The following KCNIP4 variants were observed in gnomAD, a reference collection of about 807,000 sequenced individuals.
KCNIP4 encodes Kv channel-interacting protein 4.
KCNIP4 carries 12 observed loss-of-function variants against 34.0 expected under a neutral mutation model. That is an observed-to-expected ratio of 0.35 (90% CI 0.23 to 0.57). The LOEUF (loss-of-function observed/expected upper bound fraction) is 0.57. KCNIP4 is among the 20% of genes least tolerant of loss of function. The pLI, the probability that KCNIP4 is intolerant of heterozygous loss-of-function variation, is 0.83. For missense variants in KCNIP4, 238 were observed against 311.7 expected, an observed-to-expected ratio of 0.76 and a Z score of 1.78; for synonymous variants, 124 against 102.2, an observed-to-expected ratio of 1.21 and a Z score of -1.29.
intron 1 of KCNIP4, among the ~76,000 whole-genome samples, chr4:21,344,247 T>C (rs1717062372): frequency 6.6e-6 from 1 of 152,120 alleles, no homozygotes; most frequent in South Asian, 2.1e-4. Flanking sequence ...ATCCATCTAA[T>C]GTGGACTGTG....
intron 1 of KCNIP4, among the ~76,000 whole-genome samples, chr4:21,737,163 G>C (rs913388601): frequency 3.3e-5 from 5 of 152,216 alleles, no homozygotes; most frequent in African/African-American, 1.2e-4. Flanking sequence ...TCTCACCCTC[G>C]GGTGTAGTCA....
intron 1 of KCNIP4, among the ~76,000 whole-genome samples, chr4:20,933,827 G>A (rs546121537): frequency 6.6e-6 from 1 of 152,140 alleles, no homozygotes; most frequent in African/African-American, 2.4e-5. Flanking sequence ...ACCCGTTCTG[G>A]TTTATTCAGG....
chr4:21,901,102 A>C (rs1007250422), intron 1 of KCNIP4, among the ~76,000 whole-genome samples: 2 of 152,238 alleles, frequency 1.3e-5, no homozygotes, highest in African/African-American at 4.8e-5. Context: ...TTTCACCAGA[A>C]GTTGTAAAAG....
intron 1 of KCNIP4, among the ~76,000 whole-genome samples, chr4:21,861,850 G>C (rs1725096726): frequency 6.6e-6 from 1 of 152,012 alleles, no homozygotes; most frequent in Non-Finnish European, 1.5e-5. Flanking sequence ...TCACTTTTCT[G>C]CTCAAGAAGT....
chr4:21,069,539 A>G (rs925712190), intron 1 of KCNIP4, among the ~76,000 whole-genome samples: 28 of 152,230 alleles, frequency 1.8e-4, no homozygotes, highest in African/African-American at 6.7e-4. Context: ...ACTTGCCCGG[A>G]GAAGAGGCCT....
chr4:21,777,989 T>C (rs1719292965), intron 1 of KCNIP4, among the ~76,000 whole-genome samples: 1 of 152,042 alleles, frequency 6.6e-6, no homozygotes, highest in South Asian at 2.1e-4. Flanking sequence ...GGAAAATAAA[T>C]AATAATTTGA....
chr4:21,944,405 A>G (rs1209820872), intron 1 of KCNIP4, among the ~76,000 whole-genome samples: 1 of 151,760 alleles, frequency 6.6e-6, no homozygotes, highest in Admixed American at 6.6e-5. Flanking sequence ...GAAAAAAAAA[A>G]TTAGTCGGGC....
At chr4:21,045,378 T>G (rs760814590) in intron 1 of KCNIP4, among the ~76,000 whole-genome samples, 3 of 152,248 alleles carry the variant, frequency 2.0e-5, no homozygotes, top group East Asian at 3.8e-4. Flanking sequence ...TGCTGGTGCA[T>G]GGACCACACT....
At chr4:20,781,831 TC>T (rs979175482) in intron 3 of KCNIP4, among the ~76,000 whole-genome samples, 24 of 152,076 alleles carry the variant, frequency 1.6e-4, no homozygotes, top group Admixed American at 1.4e-3. Flanking sequence ...TTCCTAACAG[TC>T]CCCCAAAGTT....
chr4:21,283,072 A>G (rs1407671632), intron 1 of KCNIP4, among the ~76,000 whole-genome samples: 1 of 152,200 alleles, frequency 6.6e-6, no homozygotes, highest in Non-Finnish European at 1.5e-5. Context: ...GAAACAACAA[A>G]AACTAGACAC....
At chr4:21,531,155 T>G (rs1363006267) in intron 1 of KCNIP4, among the ~76,000 whole-genome samples, 14 of 152,192 alleles carry the variant, frequency 9.2e-5, no homozygotes, top group Non-Finnish European at 1.5e-5. Context: ...ACCTGCTCTT[T>G]CAGCTTGCAA....
intron 1 of KCNIP4, among the ~76,000 whole-genome samples, chr4:21,887,234 A>G (rs1726825627): frequency 6.6e-6 from 1 of 152,104 alleles, no homozygotes; most frequent in South Asian, 2.1e-4. Context: ...TGTATTTGTC[A>G]TAGTTCTGCA....
chr4:21,540,258 A>G (rs1261531556), intron 1 of KCNIP4, among the ~76,000 whole-genome samples: 3 of 152,200 alleles, frequency 2.0e-5, no homozygotes, highest in Non-Finnish European at 4.4e-5. Context: ...TTTACAAAAC[A>G]GTCATATTGC....
intron 1 of KCNIP4, among the ~76,000 whole-genome samples, chr4:21,821,650 A>C (rs1022111602): frequency 6.6e-6 from 1 of 152,144 alleles, no homozygotes; most frequent in Non-Finnish European, 1.5e-5. Flanking sequence ...CAGTTAGATA[A>C]ATGCAAGTAA....
chr4:21,504,386 T>G (rs147960143), intron 1 of KCNIP4, among the ~76,000 whole-genome samples: 67 of 149,674 alleles, frequency 4.5e-4, no homozygotes, highest in Middle Eastern at 3.5e-3. Flanking sequence ...GAGGATCGTT[T>G]GAACCTGGGA....
At chr4:21,659,616 G>A (rs890978661) in intron 1 of KCNIP4, among the ~76,000 whole-genome samples, 4 of 151,986 alleles carry the variant, frequency 2.6e-5, no homozygotes, top group African/African-American at 9.7e-5. Flanking sequence ...TACATTTTAG[G>A]TAATTTTGAA....
intron 1 of KCNIP4, among the ~76,000 whole-genome samples, chr4:21,219,611 A>T (rs62295321): frequency 0.27 from 40,564 of 151,826 alleles, 5,645 homozygotes; most frequent in South Asian, 0.48. Flanking sequence ...TTCATTTGCA[A>T]CTGGTTGAGA....
In KCNIP4 at chr4:20,955,825, C is replaced by G. The variant is rs529443683; in HGVS notation, c.62-73116G>C. Among the ~76,000 whole-genome samples, 441 of 152,260 alleles carry G rather than the reference C, an allele frequency of 2.9e-3. 1 individual carries two copies. Among genetic ancestry groups the G allele is most frequent in the African/African-American group, 9.9e-3 (413 of 41,548 alleles). On this transcript the variant is annotated intron_variant, in intron 1 of 8. Transcript: ENST00000382152. ...ATTCACACATCTATGGGATGGCATT[C>G]AGTTCTTTTAGTTCCATATTAAGTA...
intron 1 of KCNIP4, among the ~76,000 whole-genome samples, chr4:21,383,995 T>A (rs909967420): frequency 6.6e-6 from 1 of 152,054 alleles, no homozygotes; most frequent in Non-Finnish European, 1.5e-5. Context: ...CCTCACCCCA[T>A]CCCCAGCCAC....
Sources: gnomAD v4.1 joint callset for allele counts (sites outside exome capture counted in the v4.1 genomes callset) on GRCh38, gnomAD v4.1.1 for gene constraint, MANE v1.5 for transcripts, NCBI Gene and HGNC (gene_info 2026-07-23, HGNC 2026-07-21) for gene names.